SSBP2: variants seen among roughly 807,000 people sequenced by gnomAD.
SSBP2 encodes the protein single-stranded DNA-binding protein 2.
Under a neutral mutation model 61.8 loss-of-function variants are expected in SSBP2, and 17 were observed. The ratio of observed to expected loss-of-function variants is 0.28; its 90% confidence interval spans 0.19 to 0.41. SSBP2 has a LOEUF of 0.41. Ranked by LOEUF, SSBP2 falls within the 10% of genes least tolerant of loss-of-function variation. SSBP2 has a pLI of 1.00. For synonymous variants in SSBP2, 139 were observed against 141.3 expected (o/e 0.98, Z 0.12); for missense variants, 310 against 458.7 (o/e 0.68, Z 2.96).
At chr5:81,707,494 A>G (rs1031336988) in intron 1 of SSBP2, among the ~76,000 whole-genome samples, 2 of 152,156 alleles carry the variant, frequency 1.3e-5, no homozygotes, top group Non-Finnish European at 2.9e-5. Context: ...CTATAAGGCA[A>G]GGAGAGAGAC....
chr5:81,615,785 T>G (rs935787050), intron 3 of SSBP2, among the ~76,000 whole-genome samples: 1 of 152,238 alleles, frequency 6.6e-6, no homozygotes, highest in Non-Finnish European at 1.5e-5. Flanking sequence ...AAAAAATTTA[T>G]AGCAATAATT....
intron 2 of SSBP2, among the ~76,000 whole-genome samples, chr5:81,641,154 G>A (rs185928386): frequency 3.2e-4 from 48 of 152,186 alleles, no homozygotes; most frequent in Middle Eastern, 3.4e-3. Context: ...GAGACCCACT[G>A]CCCCTCATCC....
At chr5:81,587,239 A>C (rs1410139362) in intron 4 of SSBP2, among the ~76,000 whole-genome samples, 3 of 152,188 alleles carry the variant, frequency 2.0e-5, no homozygotes, top group African/African-American at 7.2e-5. Context: ...TCTCATTTAC[A>C]TTAAATGTAT....
At chr5:81,529,057 G>A (rs955038910) in intron 4 of SSBP2, among the ~76,000 whole-genome samples, 1 of 151,896 alleles carries the variant, frequency 6.6e-6, no homozygotes, top group African/African-American at 2.4e-5. Context: ...CTTTTAACCT[G>A]AGACTTGGCA....
chr5:81,557,340 C>T (rs1373201187), intron 4 of SSBP2, among the ~76,000 whole-genome samples: 1 of 152,040 alleles, frequency 6.6e-6, no homozygotes, highest in Non-Finnish European at 1.5e-5. Context: ...TGTTTTTGTG[C>T]TTGAGTTCTT....
intron 9 of SSBP2, among the ~76,000 whole-genome samples, chr5:81,464,813 T>G (rs1230443021): frequency 6.6e-6 from 1 of 152,132 alleles, no homozygotes; most frequent in African/African-American, 2.4e-5. Context: ...ATATGCAAAA[T>G]TCCTTAATGA....
chr5:81,511,417 G>C (rs568831016), intron 5 of SSBP2, among the ~76,000 whole-genome samples: 22 of 152,196 alleles, frequency 1.4e-4, no homozygotes, highest in African/African-American at 5.3e-4. Flanking sequence ...AAAGATCTCT[G>C]ATGGCTCCTA....
In SSBP2 at chr5:81,622,025, G is replaced by A. The variant is rs534184994; in HGVS notation, c.198-6468C>T. ...AAGGCTAGATGACGAGTTAGTGGGT[G>A]CAGCGCAGCAGCATGGCACATGTAT... On this transcript the variant is annotated intron_variant, in intron 3 of 16. Coordinates refer to ENST00000320672, the MANE Select transcript of SSBP2 (RefSeq NM_012446.5). 2.7e-5 allele frequency among the ~76,000 whole-genome samples: 4 copies of A among 147,926 alleles called. No homozygotes were observed. In the East Asian group the frequency reaches 7.9e-4, roughly 29 times the overall value.
intron 1 of SSBP2, among the ~76,000 whole-genome samples, chr5:81,739,874 G>A (rs918099415): frequency 1.6e-4 from 25 of 152,058 alleles, no homozygotes; most frequent in Admixed American, 1.5e-3. Context: ...CCCTTTAAGA[G>A]AGCCATTCTG....
At position 81,710,705 on chromosome 5, in the gene SSBP2, A is replaced by T. The variant is rs936905688; in HGVS notation, c.62+40276T>A. On this transcript the variant is annotated intron_variant, in intron 1 of 16. Transcript: ENST00000320672. ...CCAATATAATACGAATGAATACATG[A>T]GGGCTGAGGGGATCACAAGCATCAC... The T allele has an allele frequency of 4.0e-5, 18 of 454,802 alleles. No individual in the cohort carries two copies. The East Asian group carries it at 1.3e-3, about 32-fold the overall frequency. 28.2% of individuals were successfully genotyped at this position (454,802 alleles called of 1,614,324 possible).
intron 4 of SSBP2, among the ~76,000 whole-genome samples, chr5:81,530,828 A>G (rs1244006136): frequency 6.6e-6 from 1 of 152,284 alleles, no homozygotes; most frequent in East Asian, 1.9e-4. Flanking sequence ...ATAAACATAC[A>G]GAATCATAAT....
At chr5:81,657,067 G>C (rs966276665) in intron 1 of SSBP2, among the ~76,000 whole-genome samples, 5 of 152,104 alleles carry the variant, frequency 3.3e-5, no homozygotes, top group Non-Finnish European at 5.9e-5. Flanking sequence ...TTTTCCTAGA[G>C]ACTGGGGGCC....
Position 81,419,067 on chromosome 5 carries a change from G to C in SSBP2, c.*1437C>G, listed in dbSNP as rs1242491771. The stretch of plus-strand genomic sequence containing the variant: ...CTTCATATCTTTCTATTGTGATTTT[G>C]GTGTATGTATGTATAATTAAGCACA... On this transcript the variant is annotated 3_prime_UTR_variant, in exon 17 of 17. Transcript: ENST00000320672. 4 of 152,076 alleles carry C rather than the reference G, an allele frequency of 2.6e-5. No individual in the cohort carries two copies. The highest frequency in any genetic ancestry group is 9.7e-5 in the African/African-American group (4 of 41,408). 9.4% of individuals were successfully genotyped at this position (152,076 alleles called of 1,614,324 possible). A position where few individuals can be genotyped will look rare whatever the true frequency, so the allele number is the denominator to read the frequency against.
chr5:81,442,503 C>A, intron 13 of SSBP2, 150 bp downstream of exon 13: 1 of 506,648 alleles, frequency 2.0e-6, no homozygotes, highest in Non-Finnish European at 3.5e-6. Flanking sequence ...TTTTTTAACC[C>A]AGCTCAGAGA....
chr5:81,622,217 C>T (rs1004135382), intron 3 of SSBP2, among the ~76,000 whole-genome samples: 1 of 151,680 alleles, frequency 6.6e-6, no homozygotes, highest in Non-Finnish European at 1.5e-5. Context: ...AAAAATTATG[C>T]TCCTTACAAA....
chr5:81,682,092 A>G (rs929628127), intron 1 of SSBP2, among the ~76,000 whole-genome samples: 1 of 152,204 alleles, frequency 6.6e-6, no homozygotes, highest in Non-Finnish European at 1.5e-5. Context: ...AAAGAGAAAG[A>G]GCCAAGCCCA....
chr5:81,702,382 C>T (rs904279810), intron 1 of SSBP2, among the ~76,000 whole-genome samples: 2 of 152,018 alleles, frequency 1.3e-5, no homozygotes, highest in Non-Finnish European at 2.9e-5. Flanking sequence ...AAAAAACAAA[C>T]AAACAAACAA....
intron 4 of SSBP2, among the ~76,000 whole-genome samples, chr5:81,600,367 C>A (rs1488445039): frequency 6.6e-6 from 1 of 151,894 alleles, no homozygotes; most frequent in Admixed American, 6.6e-5. Context: ...TCGAGACCAG[C>A]CTGGCCAATA....
chr5:81,673,720 G>A (rs915675977), intron 1 of SSBP2, among the ~76,000 whole-genome samples: 5 of 152,294 alleles, frequency 3.3e-5, no homozygotes, highest in African/African-American at 1.2e-4. Flanking sequence ...ATACTTAATA[G>A]GTTGTCAGGT....
Sources: allele counts gnomAD v4.1 joint callset (sites outside exome capture counted in the v4.1 genomes callset), GRCh38; gene constraint gnomAD v4.1.1; transcripts MANE v1.5; gene names NCBI Gene and HGNC (gene_info 2026-07-23, HGNC 2026-07-21).